The following TCF12 variants were observed in gnomAD, a reference collection of about 807,000 sequenced individuals.
TCF12 encodes DNA-binding protein HTF4.
Under a neutral mutation model 86.0 loss-of-function variants are expected in TCF12, and 45 were observed. The ratio of observed to expected loss-of-function variants is 0.52; its 90% CI spans 0.41 to 0.67. The LOEUF (loss-of-function observed/expected upper bound fraction) is 0.67, where lower values mean the gene tolerates loss of function less well. Among genes scored for constraint, TCF12 ranks in the 30% least tolerant of loss-of-function variants. TCF12 has a pLI of 0.00. For synonymous variants in TCF12, 330 were observed against 299.6 expected (o/e 1.10, Z -1.05); for missense variants, 881 against 859.9 (o/e 1.02, Z -0.31).
chr15:57,131,799 G>C (rs1288019478), intron 5 of TCF12, among the ~76,000 whole-genome samples: 1 of 152,178 alleles, frequency 6.6e-6, no homozygotes, highest in East Asian at 1.9e-4. Context: ...TGAACTCATT[G>C]TTATAATTTC....
chr15:57,240,258 C>A (rs1386994317), intron 12 of TCF12, among the ~76,000 whole-genome samples: 1 of 152,118 alleles, frequency 6.6e-6, no homozygotes, highest in African/African-American at 2.4e-5. Flanking sequence ...ATTCCTCATT[C>A]TTCTGGGGCT....
intron 6 of TCF12, among the ~76,000 whole-genome samples, chr15:57,184,735 G>A (rs1429420085): frequency 6.6e-6 from 1 of 152,016 alleles, no homozygotes; most frequent in African/African-American, 2.4e-5. Context: ...TATTGAATGT[G>A]CCCAGCCTGA....
chr15:57,052,634 C>G (rs2067714893), intron 3 of TCF12, among the ~76,000 whole-genome samples: 1 of 86,122 alleles, frequency 1.2e-5, no homozygotes, highest in Non-Finnish European at 2.5e-5. Context: ...GAGACTCCAT[C>G]TCAAAAAAAA....
intron 5 of TCF12, among the ~76,000 whole-genome samples, chr15:57,136,963 T>TTTTG (rs1294120034): frequency 5.9e-4 from 10 of 17,094 alleles, no homozygotes; most frequent in African/African-American, 2.1e-3. Context: ...TGGCAGTTTT[T>TTTTG]TTTTTTGTTT....
At chr15:56,935,632 A>T (rs2060436570) in intron 3 of TCF12, among the ~76,000 whole-genome samples, 1 of 151,918 alleles carries the variant, frequency 6.6e-6, no homozygotes, top group Non-Finnish European at 1.5e-5. Context: ...CCGCCCTCCC[A>T]CCCTTTTCCC....
chr15:57,094,039 A>C (rs1003337470), intron 5 of TCF12, among the ~76,000 whole-genome samples: 2 of 151,998 alleles, frequency 1.3e-5, no homozygotes, highest in Non-Finnish European at 2.9e-5. Flanking sequence ...CCTTAGCACA[A>C]CACCAGCTAA....
At chr15:57,187,090 G>A (rs1241841625) in intron 6 of TCF12, among the ~76,000 whole-genome samples, 1 of 151,634 alleles carries the variant, frequency 6.6e-6, no homozygotes, top group African/African-American at 2.4e-5. Flanking sequence ...CAAGGCACAA[G>A]AATTGCTTGA....
intron 5 of TCF12, among the ~76,000 whole-genome samples, chr15:57,119,435 G>A (rs2051075253): frequency 6.7e-6 from 1 of 149,660 alleles, no homozygotes; most frequent in Non-Finnish European, 1.5e-5. Context: ...TTATAGGCAT[G>A]AGCCACCGTA....
chr15:57,174,031 T>A lies in TCF12; in HGVS notation c.390+7565T>A, dbSNP rs529639314. On this transcript the variant is annotated intron_variant, in intron 6 of 20. Transcript: ENST00000333725. ...TGTATATCTATTAATGAAAGTTAATTCATATCAAAAACCTTCCCACAAAGA... is the reference window on the plus strand; with the variant it reads ...TGTATATCTATTAATGAAAGTTAATACATATCAAAAACCTTCCCACAAAGA... Among the ~76,000 whole-genome samples the A allele has an allele frequency of 4.6e-5, 7 of 152,312 alleles. No individual in the cohort carries two copies. In the East Asian group the frequency reaches 1.3e-3, roughly 29 times the overall value.
chr15:57,159,490 G>T (rs1035089646), intron 5 of TCF12, among the ~76,000 whole-genome samples: 4 of 152,138 alleles, frequency 2.6e-5, no homozygotes, highest in African/African-American at 9.7e-5. Flanking sequence ...AGGATAGTCT[G>T]CTCATAAAAC....
At chr15:56,942,128 T>A (rs1160350612) in intron 3 of TCF12, among the ~76,000 whole-genome samples, 4 of 152,218 alleles carry the variant, frequency 2.6e-5, no homozygotes, top group Non-Finnish European at 5.9e-5. Context: ...TGATTTTTGG[T>A]ACTCTGAAAG....
At chr15:56,919,692 A>C in intron 1 of TCF12, 200 bp from the exon 2 acceptor site, 2 of 401,842 alleles carry the variant, frequency 5.0e-6, no homozygotes, top group Non-Finnish European at 4.5e-6. Context: ...CGCGGCGAGG[A>C]ACGCGTGGAT....
At chr15:56,950,290 A>G (rs2061206452) in intron 3 of TCF12, among the ~76,000 whole-genome samples, 1 of 152,134 alleles carries the variant, frequency 6.6e-6, no homozygotes, top group Non-Finnish European at 1.5e-5. Flanking sequence ...CAGTGGCATG[A>G]TATCGGTTCA....
Position 57,226,425 on chromosome 15 carries a change from A to G in TCF12, c.580-4727A>G, listed in dbSNP as rs551900082. On this transcript the variant is annotated intron_variant, in intron 8 of 20. Coordinates refer to ENST00000333725, the MANE Select transcript of TCF12 (RefSeq NM_207037.2). ...TAAATTGATGTAAATTATGCTGAAT[A>G]TAATTTCTGTTATTGGCACAGACCT... 7.2e-5 allele frequency among the ~76,000 whole-genome samples: 11 copies of G among 152,266 alleles called. No homozygotes were observed. In the South Asian group the frequency reaches 1.9e-3, roughly 26 times the overall value.
chr15:57,094,327 A>G (rs1357342324), intron 5 of TCF12, among the ~76,000 whole-genome samples: 1 of 152,248 alleles, frequency 6.6e-6, no homozygotes, highest in African/African-American at 2.4e-5. Context: ...AATATCTGAT[A>G]TACTTCACTT....
chr15:57,136,852 T>G (rs2052556811), intron 5 of TCF12, among the ~76,000 whole-genome samples: 1 of 151,692 alleles, frequency 6.6e-6, no homozygotes, highest in African/African-American at 2.4e-5. Flanking sequence ...CAATTTCCCA[T>G]GTCGCCCAGG....
chr15:57,170,189 C>G (rs2055207287), intron 6 of TCF12, among the ~76,000 whole-genome samples: 1 of 152,126 alleles, frequency 6.6e-6, no homozygotes, highest in Admixed American at 6.5e-5. Context: ...TATACTTCAG[C>G]ATAGGAATCC....
At chr15:57,245,756 C>G (rs1280506744) in intron 13 of TCF12, among the ~76,000 whole-genome samples, 1 of 152,094 alleles carries the variant, frequency 6.6e-6, no homozygotes, top group Non-Finnish European at 1.5e-5. Flanking sequence ...CTCTTTAATT[C>G]AGGTTGTTAA....
chr15:56,952,521 C>G (rs150046794), intron 3 of TCF12, among the ~76,000 whole-genome samples: 1 of 151,976 alleles, frequency 6.6e-6, no homozygotes, highest in African/African-American at 2.4e-5. Context: ...CATGTAGATG[C>G]TGTAGCATTC....
Sources: allele counts gnomAD v4.1 joint callset (sites outside exome capture counted in the v4.1 genomes callset), GRCh38; gene constraint gnomAD v4.1.1; transcripts MANE v1.5; gene names NCBI Gene and HGNC (gene_info 2026-07-23, HGNC 2026-07-21).